MFAP3L: variants seen among roughly 807,000 people sequenced by gnomAD.
The protein encoded by MFAP3L is microfibrillar-associated protein 3-like.
MFAP3L carries 5 observed loss-of-function variants against 20.0 expected under a neutral mutation model. The observed-to-expected ratio is 0.25, with a 90% confidence interval of 0.13 to 0.53. The LOEUF is 0.53. Among genes scored for constraint, MFAP3L ranks in the 20% least tolerant of loss-of-function variants. The pLI, the probability that MFAP3L is intolerant of heterozygous loss-of-function variation, is 0.96. For synonymous variants in MFAP3L, 219 were observed against 213.0 expected, an observed-to-expected ratio of 1.03 and a Z score of -0.25; for missense variants, 409 against 527.5, an observed-to-expected ratio of 0.78 and a Z score of 2.20.
chr4:170,026,293 A>C lies in MFAP3L; in HGVS notation c.-193T>G, dbSNP rs1010689469. 1 of 983,746 alleles carries C rather than the reference A, an allele frequency of 1.0e-6. No individual in the cohort carries two copies. The highest frequency in any genetic ancestry group is 1.8e-5 in the African/African-American group (1 of 57,058). The allele number at this position is 983,746 out of a possible 1,614,324, so 60.9% of individuals were successfully genotyped here. ...CACCCCTCGCCATGGCCAGCCCGAC[A>C]GCGGCCGCTGCGCCGCACTCTGCGC... On this transcript the variant is annotated 5_prime_UTR_variant, in exon 1 of 3. Transcript: ENST00000361618.
At chr4:170,002,777 G>A (rs1259980060) in intron 2 of MFAP3L, among the ~76,000 whole-genome samples, 1 of 151,664 alleles carries the variant, frequency 6.6e-6, no homozygotes, top group Admixed American at 6.6e-5. Flanking sequence ...CAAAGTGCTG[G>A]GATTACAGGC....
intron 1 of MFAP3L, among the ~76,000 whole-genome samples, chr4:170,015,150 G>A (rs1472532266): frequency 2.6e-5 from 4 of 152,218 alleles, no homozygotes; most frequent in Non-Finnish European, 5.9e-5. Context: ...GTGAAGAGCA[G>A]ATGAGTTTAG....
intron 1 of MFAP3L, among the ~76,000 whole-genome samples, chr4:170,025,061 T>A (rs1740265224): frequency 6.6e-6 from 1 of 152,232 alleles, no homozygotes; most frequent in Non-Finnish European, 1.5e-5. Flanking sequence ...ATCTTGCCCC[T>A]ATTAGATACA....
intron 2 of MFAP3L, among the ~76,000 whole-genome samples, chr4:169,997,171 A>C (rs1471002916): frequency 6.6e-6 from 1 of 152,222 alleles, no homozygotes; most frequent in Non-Finnish European, 1.5e-5. Flanking sequence ...TATGTGATAC[A>C]TAAAAATAAA....
intron 2 of MFAP3L, among the ~76,000 whole-genome samples, chr4:169,999,699 C>A (rs558771381): frequency 1.3e-5 from 2 of 152,338 alleles, no homozygotes; most frequent in African/African-American, 4.8e-5. Context: ...AAGTGGAGCA[C>A]AACTCACTGA....
rs2110879180 is a variant in MFAP3L at position 169,987,702 on chromosome 4, T to G, written c.*3676A>C. On this transcript the variant is annotated 3_prime_UTR_variant, in exon 3 of 3. Coordinates refer to ENST00000361618, the MANE Select transcript of MFAP3L (RefSeq NM_021647.8). ...TGCTGTTCCAAACATGCAAATGTCC[T>G]TTGTACCTGATTTTCTTCATGTGCT... 6.6e-6 allele frequency: 1 copy of G among 152,328 alleles called. No homozygotes were observed. Among genetic ancestry groups the G allele is most frequent in the Admixed American group, 6.5e-5 (1 of 15,306 alleles). 9.4% of individuals were successfully genotyped at this position (152,328 alleles called of 1,614,324 possible).
At chr4:169,995,751 A>C (rs913929142) in intron 2 of MFAP3L, among the ~76,000 whole-genome samples, 3 of 152,190 alleles carry the variant, frequency 2.0e-5, no homozygotes, top group Admixed American at 6.5e-5. Context: ...TGCAGTCCCC[A>C]TGTATTTTAA....
intron 1 of MFAP3L, among the ~76,000 whole-genome samples, chr4:170,015,646 T>C (rs551276265): frequency 8.5e-5 from 13 of 152,218 alleles, no homozygotes; most frequent in Non-Finnish European, 1.8e-4. Flanking sequence ...CCTCTCCAGA[T>C]GCCCTCATCT....
At chr4:169,996,699 G>A (rs1738195585) in intron 2 of MFAP3L, among the ~76,000 whole-genome samples, 1 of 152,178 alleles carries the variant, frequency 6.6e-6, no homozygotes, top group African/African-American at 2.4e-5. Context: ...GGGCTCAGAT[G>A]GAGGAAGGCA....
At position 169,998,613 on chromosome 4, in the gene MFAP3L, C is replaced by T. The variant is rs145080184; in HGVS notation, c.299-6304G>A. ...GCTGACTGAAAAAAAAAAATTATACCCAAATGCTAAGCTTTTAAAATTTCC... is the reference window on the plus strand; with the variant it reads ...GCTGACTGAAAAAAAAAAATTATACTCAAATGCTAAGCTTTTAAAATTTCC... On this transcript the variant is annotated intron_variant, in intron 2 of 2. Transcript: ENST00000361618. Among the ~76,000 whole-genome samples, 570 of 152,218 alleles carry T rather than the reference C, an allele frequency of 3.7e-3. 2 individuals carry two copies. Among genetic ancestry groups the T allele is most frequent in the African/African-American group, 0.013 (548 of 41,538 alleles).
chr4:170,005,738 G>A lies in MFAP3L; in HGVS notation c.140C>T (p.Pro47Leu). Reference sequence around the variant, plus strand: ...ATGGTCAGTTCTGGCAATGATTACGGGCACAGAGCCCAAGACCACGTTAGT... The same window carrying A: ...ATGGTCAGTTCTGGCAATGATTACGAGCACAGAGCCCAAGACCACGTTAGT... ...NGTNVVLGSV[P>L]VIIARTDHII... Residue 47 changes from proline to leucine, a missense_variant, in exon 2 of 3, where the codon CCC becomes CTC. Pro to Leu is a moderately conservative substitution (Grantham distance 98, BLOSUM62 -3). This residue lies in a region of MFAP3L where 113 missense variants were observed against 131.1 expected (regional missense o/e 0.86). Coordinates refer to ENST00000361618, the MANE Select transcript of MFAP3L (RefSeq NM_021647.8). 1 of 1,614,176 alleles carries A rather than the reference G, an allele frequency of 6.2e-7. No individual in the cohort carries two copies. The highest frequency in any genetic ancestry group is 8.5e-7 in the Non-Finnish European group (1 of 1,180,026).
At chr4:170,026,791 G>A (rs770548862), upstream of MFAP3L, 11 of 152,268 alleles carry the variant, frequency 7.2e-5, no homozygotes, top group Admixed American at 2.6e-4. Flanking sequence ...AGGACACCCA[G>A]GAAAAGGCTT....
chr4:170,005,387 T>C, intron 2 of MFAP3L, 193 bp downstream of exon 2: 1 of 664,992 alleles, frequency 1.5e-6, no homozygotes, highest in South Asian at 2.1e-5. Context: ...TTGTCTTCTG[T>C]GTCAATGAGG....
chr4:169,999,329 T>G (rs1738446289), intron 2 of MFAP3L, among the ~76,000 whole-genome samples: 1 of 152,208 alleles, frequency 6.6e-6, no homozygotes, highest in Non-Finnish European at 1.5e-5. Context: ...TGGAAGGATT[T>G]TGCTGTTCAG....
At chr4:170,025,769 C>T (rs1740316307) in intron 1 of MFAP3L, among the ~76,000 whole-genome samples, 1 of 152,070 alleles carries the variant, frequency 6.6e-6, no homozygotes, top group Non-Finnish European at 1.5e-5. Flanking sequence ...GGACACGGCG[C>T]CCTCCCGACG....
At chr4:170,004,450 C>T (rs994462102) in intron 2 of MFAP3L, among the ~76,000 whole-genome samples, 13 of 152,242 alleles carry the variant, frequency 8.5e-5, no homozygotes, top group African/African-American at 2.6e-4. Context: ...GCTCTACAAC[C>T]TTGACTGGCT....
At chr4:170,002,182 C>T (rs1231697690) in intron 2 of MFAP3L, 1 of 985,120 alleles carries the variant, frequency 1.0e-6, no homozygotes, top group Non-Finnish European at 1.2e-6. Context: ...CTCATATTCA[C>T]TCAGTCTGAG....
chr4:170,022,575 A>G (rs1740103118), intron 1 of MFAP3L, among the ~76,000 whole-genome samples: 1 of 152,080 alleles, frequency 6.6e-6, no homozygotes. Context: ...AGACTGAGGG[A>G]TTTAACATAA....
intron 2 of MFAP3L, chr4:169,993,488 T>C (rs1414236609): frequency 6.6e-6 from 1 of 152,256 alleles, no homozygotes; most frequent in African/African-American, 2.4e-5. Flanking sequence ...TTAATTCTAA[T>C]AGAAAGCCTG....
Sources: gnomAD v4.1 joint callset for allele counts (sites outside exome capture counted in the v4.1 genomes callset) on GRCh38, gnomAD v4.1.1 for gene constraint, gnomAD v4.1.1 regional missense constraint, MANE v1.5 for transcripts, NCBI Gene and HGNC (gene_info 2026-07-23, HGNC 2026-07-21) for gene names.